The following F5 variants were observed in gnomAD, a reference collection of about 807,000 sequenced individuals.
F5 encodes activated protein c cofactor.
A neutral mutation model predicts 216.4 loss-of-function variants in F5; 138 were observed. The ratio of observed to expected loss-of-function variants is 0.64; its 90% CI spans 0.56 to 0.73. F5 has a LOEUF of 0.73. Among genes scored for constraint, F5 ranks in the 30% least tolerant of loss-of-function variants. The probability of loss-of-function intolerance (pLI) is 0.00; values close to 1 mark genes in which losing one functional copy is unlikely to be tolerated. For missense variants in F5, 2,403 were observed against 2,674.0 expected (o/e 0.90, Z 2.24); for synonymous variants, 916 against 930.7 (o/e 0.98, Z 0.29).
chr1:169,515,931 G>T (rs1418587903), intron 23 of F5, among the ~76,000 whole-genome samples: 1 of 152,106 alleles, frequency 6.6e-6, no homozygotes, highest in South Asian at 2.1e-4. Flanking sequence ...AAGACACTCA[G>T]TTGGTGTTCA....
In F5 at chr1:169,549,977, C is replaced by G; in HGVS notation, c.1435G>C (p.Glu479Gln). The change falls in exon 10 of 25, where the codon GAA becomes CAA. Residue 479 changes from glutamate (E) to glutamine (Q), a missense_variant. By Grantham distance (29) the Glu-to-Gln change is conservative (BLOSUM62 2). This residue lies in a region of F5 where 1,425 missense variants were observed against 1,554.8 expected (regional missense o/e 0.92). Coordinates refer to ENST00000367797, the MANE Select transcript of F5 (RefSeq NM_000130.5). The stretch of plus-strand genomic sequence containing the variant: ...ATGTTCCACTTATAAGTATAGGTTT[C>G]CCCTGGTTGAACTGCTCTGATCATG... The part of the protein sequence containing the change: ...NTMIRAVQPG[E>Q]TYTYKWNILE... 6.2e-7 allele frequency: 1 copy of G among 1,614,074 alleles called. No homozygotes were observed. Among genetic ancestry groups the G allele is most frequent in the Non-Finnish European group, 8.5e-7 (1 of 1,180,000 alleles).
At chr1:169,536,726 T>C in intron 13 of F5, 46 bp from the exon 14 acceptor site, 1 of 1,497,588 alleles carries the variant, frequency 6.7e-7, no homozygotes, top group South Asian at 1.1e-5. Context: ...TTAAAGACTG[T>C]TCCCAGAATT....
chr1:169,559,005 TAAA>T, intron 5 of F5, 145 bp downstream of exon 5: 1 of 711,216 alleles, frequency 1.4e-6, no homozygotes, highest in Non-Finnish European at 2.3e-6. Context: ...ATTTCCTGTT[TAAA>T]AAAAAAAAGA....
At chr1:169,549,465 T>C (rs58875232) in intron 10 of F5, among the ~76,000 whole-genome samples, 18,855 of 152,110 alleles carry the variant, frequency 0.12, 2,977 homozygotes, top group East Asian at 0.64. Flanking sequence ...CTGTAACATT[T>C]TTAGGAGGGT....
intron 19 of F5, among the ~76,000 whole-genome samples, chr1:169,524,473 C>G (rs556020767): frequency 6.6e-6 from 1 of 152,142 alleles, no homozygotes; most frequent in Non-Finnish European, 1.5e-5. Context: ...TGGAAATGGG[C>G]GCGTGGTCAT....
intron 16 of F5, 33 bp from the exon 17 acceptor site, chr1:169,528,127 A>G (rs1226202068): frequency 6.2e-7 from 1 of 1,612,432 alleles, no homozygotes; most frequent in Admixed American, 1.7e-5. Context: ...TCAATTAAAA[A>G]TCTGTTGACA....
intron 3 of F5, among the ~76,000 whole-genome samples, chr1:169,563,748 T>C (rs1015023923): frequency 2.6e-4 from 39 of 152,002 alleles, no homozygotes; most frequent in African/African-American, 8.5e-4. Context: ...TGTATGCATA[T>C]TTATATTCTC....
At chr1:169,533,042 G>T (rs888455369) in intron 14 of F5, among the ~76,000 whole-genome samples, 11 of 152,040 alleles carry the variant, frequency 7.2e-5, no homozygotes, top group African/African-American at 2.7e-4. Context: ...ATAGGCCAAT[G>T]AAACAGAATA....
intron 1 of F5, among the ~76,000 whole-genome samples, chr1:169,585,768 A>AATTATAT (rs2101849027): frequency 6.6e-6 from 1 of 152,342 alleles, no homozygotes; most frequent in African/African-American, 2.4e-5. Context: ...AAAAAGCACA[A>AATTATAT]GGTGTTCATT....
chr1:169,561,494 GA>G (rs756128668), intron 3 of F5, among the ~76,000 whole-genome samples: 9 of 152,122 alleles, frequency 5.9e-5, no homozygotes. Flanking sequence ...TGAAGAGAAG[GA>G]ACTGAGATAC....
At chr1:169,571,820 A>T (rs1380840128) in intron 3 of F5, among the ~76,000 whole-genome samples, 1 of 152,220 alleles carries the variant, frequency 6.6e-6, no homozygotes, top group African/African-American at 2.4e-5. Context: ...TAAAAGGCAG[A>T]GTTGAGTACT....
chr1:169,539,099 A>T (rs1008486856), intron 13 of F5, among the ~76,000 whole-genome samples: 1 of 152,222 alleles, frequency 6.6e-6, no homozygotes, highest in African/African-American at 2.4e-5. Flanking sequence ...TCATTGGCTC[A>T]GTCTAGGACT....
chr1:169,553,067 A>G (rs984297756), intron 7 of F5, among the ~76,000 whole-genome samples: 4 of 152,224 alleles, frequency 2.6e-5, no homozygotes, highest in African/African-American at 9.6e-5. Flanking sequence ...GAATTTTTCT[A>G]AAGTCTGTCC....
chr1:169,533,405 A>T (rs561597213), intron 14 of F5, among the ~76,000 whole-genome samples: 6 of 152,320 alleles, frequency 3.9e-5, no homozygotes, highest in Admixed American at 2.6e-4. Flanking sequence ...GCAAAAATTG[A>T]CAAATTAAAC....
rs1053652593 is a variant in F5, at chr1:169,541,727, C to A, written c.3363G>T (p.Val1121=). ...ATGTTTGATAGTGTTCCTCTGGGGGCACTGTCTGATAAAGACCTGGAGGAC... is the reference window on the plus strand; with the variant it reads ...ATGTTTGATAGTGTTCCTCTGGGGGAACTGTCTGATAAAGACCTGGAGGAC... ...ASCPPGLYQT[V]PPEEHYQTFP... is the part of the protein sequence containing the mutation. The change falls in exon 13 of 25, where the codon GTG becomes GTT. Residue 1121 remains valine (V), a synonymous_variant. Coordinates refer to ENST00000367797, the MANE Select transcript of F5 (RefSeq NM_000130.5). The A allele has an allele frequency of 5.6e-6, 9 of 1,613,996 alleles. No homozygotes were observed. Among genetic ancestry groups the A allele is most frequent in the Non-Finnish European group, 5.9e-6 (7 of 1,179,966 alleles).
chr1:169,543,023 A>C lies in F5; in HGVS notation c.2067T>G (p.Asp689Glu). The change falls in exon 13 of 25, where the codon GAT becomes GAG. Residue 689 changes from aspartate to glutamate, a missense_variant. By Grantham distance (45) the Asp-to-Glu change is conservative. Coordinates refer to ENST00000367797, the MANE Select transcript of F5 (RefSeq NM_000130.5). ...GTTCAAAAATCTCATATGAGTCTTC[A>C]TCATCATCTGGGATACATTTAACAT... is the stretch of plus-strand genomic sequence containing the variant. Reference protein sequence around the residue: ...FRDVKCIPDDDEDSYEIFEPP... With the variant: ...FRDVKCIPDDEEDSYEIFEPP... The C allele has an allele frequency of 3.7e-6, 6 of 1,614,026 alleles. 1 individual carries two copies. In the South Asian group the frequency reaches 6.6e-5, roughly 18 times the overall value.
At chr1:169,582,397 T>C in intron 2 of F5, 34 bp downstream of exon 2, 1 of 1,190,182 alleles carries the variant, frequency 8.4e-7, no homozygotes, top group Non-Finnish European at 1.2e-6. Flanking sequence ...TAGAAATTTA[T>C]CTTTAAAATT....
At chr1:169,559,019 GA>G in intron 5 of F5, 133 bp downstream of exon 5, 1 of 862,656 alleles carries the variant, frequency 1.2e-6, no homozygotes. Flanking sequence ...AAAAAAAAGA[GA>G]AAATATTTCC....
Position 169,527,977 on chromosome 1 carries a change from C to A in F5, c.5537G>T (p.Gly1846Val). ...ATTGCCATTTTCCAGCAAGGTCTGG[C>A]CGTGAAAGTGAACCACGTGAATGTC... ...SQDIHVVHFH[G>V]QTLLENGNKQ... Residue 1846 changes from glycine (G) to valine (V), a missense_variant, in exon 17 of 25, where the codon GGC becomes GTC. Gly to Val is a moderately radical substitution (Grantham distance 109). Around this residue, in one of 4 missense-constraint regions of F5, gnomAD observed 659 missense variants for 787.9 expected, o/e 0.84. Transcript: ENST00000367797. 2 of 1,613,842 alleles carry A rather than the reference C, an allele frequency of 1.2e-6. No homozygotes were observed. Among genetic ancestry groups the A allele is most frequent in the Non-Finnish European group, 8.5e-7 (1 of 1,179,882 alleles).
Sources: allele counts gnomAD v4.1 joint callset (sites outside exome capture counted in the v4.1 genomes callset), GRCh38; gene constraint gnomAD v4.1.1; regional missense constraint gnomAD v4.1.1; transcripts MANE v1.5; gene names NCBI Gene and HGNC (gene_info 2026-07-23, HGNC 2026-07-21).